Variants in MAGI2 observed in about 807,000 individuals in gnomAD.
The protein encoded by MAGI2 is membrane-associated guanylate kinase, WW and PDZ domain-containing protein 2.
A neutral mutation model predicts 133.3 loss-of-function variants in MAGI2; 35 were observed. That is an observed-to-expected ratio of 0.26 (90% CI 0.20 to 0.35). The LOEUF (loss-of-function observed/expected upper bound fraction) is 0.35, where lower values mean the gene tolerates loss of function less well. Among genes scored for constraint, MAGI2 ranks in the 10% least tolerant of loss-of-function variants. The pLI, the probability that MAGI2 is intolerant of heterozygous loss-of-function variation, is 1.00. For missense variants in MAGI2, 1,636 were observed against 1,863.4 expected (o/e 0.88, Z 2.25); for synonymous variants, 729 against 710.6 (o/e 1.03, Z -0.41).
At chr7:78,712,235 T>A (rs1496779) in intron 2 of MAGI2, among the ~76,000 whole-genome samples, 56,737 of 152,078 alleles carry the variant, frequency 0.37, 10,834 homozygotes, top group Middle Eastern at 0.44. Context: ...GTGATGCACA[T>A]CATTTCAAGC....
intron 7 of MAGI2, among the ~76,000 whole-genome samples, chr7:78,361,264 G>A (rs1367028948): frequency 1.3e-5 from 2 of 152,028 alleles, no homozygotes; most frequent in Non-Finnish European, 2.9e-5. Flanking sequence ...TGTGGTGGCA[G>A]GTGCCTGTAA....
At chr7:79,310,048 C>T (rs149107265) in intron 1 of MAGI2, among the ~76,000 whole-genome samples, 8 of 147,176 alleles carry the variant, frequency 5.4e-5, no homozygotes, top group Non-Finnish European at 1.0e-4. Flanking sequence ...TCCTGTAATC[C>T]CAGCTACTTG....
intron 1 of MAGI2, among the ~76,000 whole-genome samples, chr7:79,024,182 C>T (rs1562800051): frequency 6.6e-6 from 1 of 152,006 alleles, no homozygotes; most frequent in Non-Finnish European, 1.5e-5. Context: ...TAATTCCCCA[C>T]ACCTACAATC....
At chr7:78,950,731 C>T (rs1801800755) in intron 2 of MAGI2, among the ~76,000 whole-genome samples, 1 of 151,996 alleles carries the variant, frequency 6.6e-6, no homozygotes, top group Non-Finnish European at 1.5e-5. Context: ...TAGTGATTTG[C>T]TTATGTAAAT....
intron 2 of MAGI2, among the ~76,000 whole-genome samples, chr7:78,703,194 C>T (rs1818253886): frequency 6.6e-6 from 1 of 151,954 alleles, no homozygotes; most frequent in South Asian, 2.1e-4. Flanking sequence ...AAAATAGTAG[C>T]TTTCAATGAA....
intron 16 of MAGI2, among the ~76,000 whole-genome samples, chr7:78,155,598 G>T (rs1463903995): frequency 6.6e-6 from 1 of 152,038 alleles, no homozygotes; most frequent in African/African-American, 2.4e-5. Context: ...CTCCAGCCTG[G>T]GCAACAGGGT....
At chr7:78,526,714 C>T (rs1796983036) in intron 3 of MAGI2, among the ~76,000 whole-genome samples, 1 of 151,922 alleles carries the variant, frequency 6.6e-6, no homozygotes, top group African/African-American at 2.4e-5. Context: ...CTCTGTTATA[C>T]AAATAGAAAA....
chr7:78,910,463 G>A (rs1044438974), intron 2 of MAGI2, among the ~76,000 whole-genome samples: 6 of 152,060 alleles, frequency 3.9e-5, no homozygotes, highest in Non-Finnish European at 8.8e-5. Context: ...TCCAGAAAAT[G>A]AGTAAAGTTT....
intron 1 of MAGI2, among the ~76,000 whole-genome samples, chr7:79,117,411 T>G (rs983044473): frequency 6.6e-6 from 1 of 152,164 alleles, no homozygotes; most frequent in African/African-American, 2.4e-5. Flanking sequence ...TCTGACACTG[T>G]AGGCATGTGA....
intron 9 of MAGI2, among the ~76,000 whole-genome samples, chr7:78,274,328 C>T (rs763006871): frequency 3.6e-4 from 55 of 152,154 alleles, no homozygotes; most frequent in Non-Finnish European, 6.8e-4. Context: ...CCCAGAGGGG[C>T]ACCTGCAGAT....
intron 10 of MAGI2, among the ~76,000 whole-genome samples, chr7:78,206,278 TTTTTCC>T (rs1392898818): frequency 1.4e-5 from 2 of 148,042 alleles, no homozygotes; most frequent in Non-Finnish European, 3.0e-5. Context: ...ACAACTTTTC[TTTTTCC>T]TTTTCCTTTC....
chr7:78,937,942 T>C (rs1800643227), intron 2 of MAGI2, among the ~76,000 whole-genome samples: 2 of 152,180 alleles, frequency 1.3e-5, no homozygotes, highest in South Asian at 4.1e-4. Flanking sequence ...AACTGCTCAA[T>C]ATTTATTATG....
intron 2 of MAGI2, among the ~76,000 whole-genome samples, chr7:78,831,768 T>C (rs1791177873): frequency 6.6e-6 from 1 of 152,354 alleles, no homozygotes; most frequent in Admixed American, 6.5e-5. Flanking sequence ...AAAAGTTATA[T>C]AGTGAATTTA....
At position 78,221,964 on chromosome 7, in the gene MAGI2, C is replaced by T. The variant is rs143689528; in HGVS notation, c.2048-20771G>A. Among the ~76,000 whole-genome samples, 199 of 151,954 alleles carry T rather than the reference C, an allele frequency of 1.3e-3. 1 individual carries two copies. The highest frequency in any genetic ancestry group is 3.4e-3 in the Middle Eastern group (1 of 294). On this transcript the variant is annotated intron_variant, in intron 10 of 21. Transcript: ENST00000354212. ...ATTTAGGAGGCTAAGGTGGGAGGATCGCTTGAGCCCAGGAGTTTCAGGCTG... is the reference window on the plus strand; with the variant it reads ...ATTTAGGAGGCTAAGGTGGGAGGATTGCTTGAGCCCAGGAGTTTCAGGCTG...
chr7:79,332,812 T>A (rs1464128728), intron 1 of MAGI2, among the ~76,000 whole-genome samples: 2 of 152,218 alleles, frequency 1.3e-5, no homozygotes, highest in East Asian at 3.8e-4. Flanking sequence ...TATTTTACAT[T>A]CATCATACCC....
In MAGI2 at chr7:79,361,715, T is replaced by A. The variant is rs185709452; in HGVS notation, c.301+91305A>T. ...TAAAACAAATGTCAATGATTTTTTT[T>A]AAAAAATTAAAATCATATAGGATAT... On this transcript the variant is annotated intron_variant, in intron 1 of 21. Transcript: ENST00000354212. Among the ~76,000 whole-genome samples, 270 of 152,272 alleles carry A rather than the reference T, an allele frequency of 1.8e-3. 2 individuals are homozygous for A. Among genetic ancestry groups the A allele is most frequent in the Middle Eastern group, 6.8e-3 (2 of 294 alleles).
At chr7:78,761,947 C>T (rs2151301261) in intron 2 of MAGI2, among the ~76,000 whole-genome samples, 1 of 152,136 alleles carries the variant, frequency 6.6e-6, no homozygotes, top group South Asian at 2.1e-4. Context: ...GAGGAGCTCT[C>T]CACATGAATT....
intron 1 of MAGI2, among the ~76,000 whole-genome samples, chr7:79,265,944 T>C (rs376100238): frequency 6.6e-6 from 1 of 152,212 alleles, no homozygotes; most frequent in African/African-American, 2.4e-5. Flanking sequence ...GCTGAAAATA[T>C]TTTGTGGCAA....
chr7:78,530,642 T>G (rs747091477), intron 3 of MAGI2, among the ~76,000 whole-genome samples: 5 of 152,302 alleles, frequency 3.3e-5, no homozygotes, highest in Non-Finnish European at 5.9e-5. Flanking sequence ...CCCTCTCACT[T>G]TGATCCCCCA....
Sources: gnomAD v4.1 joint callset for allele counts (sites outside exome capture counted in the v4.1 genomes callset) on GRCh38, gnomAD v4.1.1 for gene constraint, MANE v1.5 for transcripts, NCBI Gene and HGNC (gene_info 2026-07-23, HGNC 2026-07-21) for gene names.